Variants in KLRD1 observed in about 807,000 individuals in gnomAD.
KLRD1 encodes natural killer cells antigen CD94.
In KLRD1, 21 loss-of-function variants were observed where a neutral mutation model predicts 22.6. The observed-to-expected ratio is 0.93, with a 90% CI of 0.66 to 1.34. KLRD1 has a LOEUF of 1.34. KLRD1 is among the 40% of genes most tolerant of loss of function. KLRD1 has a pLI of 0.00. For missense variants in KLRD1, 183 were observed against 208.6 expected, an observed-to-expected ratio of 0.88 and a Z score of 0.76; for synonymous variants, 59 against 71.1, an observed-to-expected ratio of 0.83 and a Z score of 0.85.
At chr12:10,291,319 G>C (rs1056642487) in intron 1 of KLRD1, among the ~76,000 whole-genome samples, 6 of 152,104 alleles carry the variant, frequency 3.9e-5, no homozygotes, top group African/African-American at 1.4e-4. Context: ...GAAGTTTGCT[G>C]CATTGACTGA....
At chr12:10,291,637 T>C (rs1207929081) in intron 1 of KLRD1, among the ~76,000 whole-genome samples, 2 of 151,004 alleles carry the variant, frequency 1.3e-5, no homozygotes, top group African/African-American at 4.9e-5. Context: ...TTTTTAATCC[T>C]ATACTATTTT....
At chr12:10,311,696 A>C in intron 4 of KLRD1, 81 bp downstream of exon 4, 2 of 1,359,848 alleles carry the variant, frequency 1.5e-6, no homozygotes, top group Non-Finnish European at 2.0e-6. Context: ...CTTTGGTTTA[A>C]GTCATTAATC....
chr12:10,243,529 G>A (rs563646089), intron 1 of KLRD1, among the ~76,000 whole-genome samples: 9 of 138,536 alleles, frequency 6.5e-5, no homozygotes, highest in Non-Finnish European at 9.1e-5. Context: ...CAGGAGAATC[G>A]CTTGAACCCA....
chr12:10,262,312 A>T (rs1949461127), intron 1 of KLRD1, among the ~76,000 whole-genome samples: 1 of 152,092 alleles, frequency 6.6e-6, no homozygotes, highest in Non-Finnish European at 1.5e-5. Flanking sequence ...ATAAAATGTC[A>T]GTTTTCTTCA....
chr12:10,245,086 G>A (rs1327998683), intron 1 of KLRD1, among the ~76,000 whole-genome samples: 7 of 152,014 alleles, frequency 4.6e-5, no homozygotes, highest in Admixed American at 2.0e-4. Flanking sequence ...TGCTGGGTGC[G>A]GTGGCTCACA....
chr12:10,281,359 T>A (rs1949640748), intron 1 of KLRD1, among the ~76,000 whole-genome samples: 1 of 152,184 alleles, frequency 6.6e-6, no homozygotes, highest in Non-Finnish European at 1.5e-5. Context: ...GAATAATTTT[T>A]GTTGTTTTTC....
chr12:10,327,557 C>T lies in KLRD1; in HGVS notation c.*12764C>T, dbSNP rs1362953705. ...GATTTTTGCATGTTGATTTTGTACC[C>T]TGCAACTTTACTTGGTTTTAGGAGG... is the stretch of plus-strand genomic sequence containing the variant. On this transcript the variant is annotated 3_prime_UTR_variant, in exon 6 of 6. Coordinates refer to ENST00000336164, the MANE Select transcript of KLRD1 (RefSeq NM_002262.5). 1.3e-5 allele frequency: 2 copies of T among 152,106 alleles called. No homozygotes were observed. Among genetic ancestry groups the T allele is most frequent in the Non-Finnish European group, 2.9e-5 (2 of 68,014 alleles). 9.4% of individuals were successfully genotyped at this position (152,106 alleles called of 1,614,324 possible).
chr12:10,244,075 G>C (rs1949267780), intron 1 of KLRD1, among the ~76,000 whole-genome samples: 1 of 152,114 alleles, frequency 6.6e-6, no homozygotes, highest in Non-Finnish European at 1.5e-5. Flanking sequence ...AATGGTCGAA[G>C]AATAGTGGCA....
rs759939988 is a variant in KLRD1 at position 10,309,419 on chromosome 12, T to G, written c.39T>G (p.Ser13=). The change falls in exon 2 of 6, where the codon TCT becomes TCG. Residue 13 remains serine (S), a synonymous_variant. Coordinates refer to ENST00000336164, the MANE Select transcript of KLRD1 (RefSeq NM_002262.5). ...AGACCACTCTGTGGAGGTTAATTTC[T>G]GGGACCTTAGGGATAATATGCCTTT... ...VFKTTLWRLI[S]GTLGIICLSL... is the part of the protein sequence containing the mutation. 3.9e-6 allele frequency: 6 copies of G among 1,544,170 alleles called. 1 individual carries two copies. The East Asian group carries it at 1.3e-4, about 35-fold the overall frequency.
intron 1 of KLRD1, among the ~76,000 whole-genome samples, chr12:10,272,648 G>T (rs919038955): frequency 1.3e-5 from 2 of 152,134 alleles, no homozygotes; most frequent in African/African-American, 2.4e-5. Flanking sequence ...GGGCCAATGA[G>T]CACAGGGTCA....
At chr12:10,289,225 A>C (rs1949741705) in intron 1 of KLRD1, among the ~76,000 whole-genome samples, 1 of 152,222 alleles carries the variant, frequency 6.6e-6, no homozygotes, top group African/African-American at 2.4e-5. Context: ...AGTTCACCAC[A>C]GAGAAACTTG....
chr12:10,252,698 G>A (rs914447465), intron 1 of KLRD1, among the ~76,000 whole-genome samples: 6 of 152,104 alleles, frequency 3.9e-5, no homozygotes, highest in African/African-American at 1.4e-4. Flanking sequence ...TCTTGAGAAT[G>A]TATATGAACA....
At chr12:10,305,241 A>T (rs145564629), upstream of KLRD1, among the ~76,000 whole-genome samples, 3 of 152,294 alleles carry the variant, frequency 2.0e-5, no homozygotes, top group East Asian at 5.8e-4. Context: ...TGCAATGGAT[A>T]CTAGGGGATG....
At chr12:10,296,916 G>T (rs924547459) in intron 1 of KLRD1, among the ~76,000 whole-genome samples, 1 of 152,206 alleles carries the variant, frequency 6.6e-6, no homozygotes, top group Non-Finnish European at 1.5e-5. Flanking sequence ...ATTGGCACTT[G>T]GTTGTGGGAA....
In KLRD1 at chr12:10,309,422, G is replaced by A. The variant is rs1950001562; in HGVS notation, c.42G>A (p.Gly14=). The A allele has an allele frequency of 1.3e-6, 2 of 1,547,566 alleles. No homozygotes were observed. The highest frequency in any genetic ancestry group is 8.9e-7 in the Non-Finnish European group (1 of 1,119,268). ...CCACTCTGTGGAGGTTAATTTCTGG[G>A]ACCTTAGGGATAATATGCCTTTCGT... The part of the protein sequence containing the change: ...FKTTLWRLIS[G]TLGIICLSLM... Residue 14 remains glycine, a synonymous_variant, in exon 2 of 6, where the codon GGG becomes GGA. Transcript: ENST00000336164.
upstream of KLRD1, among the ~76,000 whole-genome samples, chr12:10,307,000 G>T (rs1403752403): frequency 6.6e-6 from 1 of 152,086 alleles, no homozygotes; most frequent in East Asian, 1.9e-4. Context: ...TTGTATGGGG[G>T]TGCATGGTAG....
chr12:10,284,525 T>C (rs538920513), intron 1 of KLRD1, among the ~76,000 whole-genome samples: 213 of 152,350 alleles, frequency 1.4e-3, no homozygotes, highest in Non-Finnish European at 2.2e-3. Context: ...AATCATAGTT[T>C]TTGTTTTATA....
At chr12:10,314,041 T>C (rs990829040) in intron 5 of KLRD1, among the ~76,000 whole-genome samples, 6 of 152,058 alleles carry the variant, frequency 3.9e-5, no homozygotes, top group African/African-American at 1.4e-4. Context: ...TCCAAGTTAA[T>C]GCTCAAGTGA....
At chr12:10,242,076 T>TTTTTG (rs1461176488) in intron 1 of KLRD1, among the ~76,000 whole-genome samples, 1 of 148,544 alleles carries the variant, frequency 6.7e-6, no homozygotes, top group Non-Finnish European at 1.5e-5. Flanking sequence ...TTGCTGTTTT[T>TTTTTG]TTTTTTTTTT....
Sources: gnomAD v4.1 joint callset for allele counts (sites outside exome capture counted in the v4.1 genomes callset) on GRCh38, gnomAD v4.1.1 for gene constraint, MANE v1.5 for transcripts, NCBI Gene and HGNC (gene_info 2026-07-23, HGNC 2026-07-21) for gene names.